Variants in NOX4 observed in about 807,000 individuals in gnomAD.
NOX4 encodes the protein kidney oxidase-1.
NOX4 carries 69 observed loss-of-function variants against 87.6 expected under a neutral mutation model. The ratio of observed to expected loss-of-function variants is 0.79; its 90% CI spans 0.65 to 0.96. The LOEUF is 0.96. NOX4 is among the 40% of genes least tolerant of loss of function. The pLI, the probability that NOX4 is intolerant of heterozygous loss-of-function variation, is 0.00. For synonymous variants in NOX4, 275 were observed against 238.2 expected (o/e 1.15, Z -1.42); for missense variants, 680 against 681.5 (o/e 1.00, Z 0.02).
intron 11 of NOX4, among the ~76,000 whole-genome samples, chr11:89,391,450 G>A (rs1056954980): frequency 6.6e-6 from 1 of 152,094 alleles, no homozygotes; most frequent in Non-Finnish European, 1.5e-5. Flanking sequence ...TTAACTAAAT[G>A]AGTGAACAAA....
chr11:89,557,951 T>G, the NOX4 span, among the ~76,000 whole-genome samples: 2 of 152,208 alleles, frequency 1.3e-5, no homozygotes, highest in African/African-American at 4.8e-5. Flanking sequence ...GAGAGATTTT[T>G]GGGAAGGAAA....
At chr11:89,396,712 G>C (rs1013069771) in intron 11 of NOX4, among the ~76,000 whole-genome samples, 15 of 152,046 alleles carry the variant, frequency 9.9e-5, no homozygotes, top group African/African-American at 2.4e-4. Context: ...AAGATCAAAA[G>C]AGACAAAGAA....
At chr11:89,520,977 TA>T in the NOX4 span, among the ~76,000 whole-genome samples, 3 of 152,078 alleles carry the variant, frequency 2.0e-5, no homozygotes, top group African/African-American at 7.2e-5. Context: ...GGAATACGTC[TA>T]AGTAAGGAAG....
At chr11:89,485,627 G>C (rs1210374076) in intron 2 of NOX4, among the ~76,000 whole-genome samples, 1 of 152,112 alleles carries the variant, frequency 6.6e-6, no homozygotes, top group Non-Finnish European at 1.5e-5. Flanking sequence ...ATTTCTGAGA[G>C]TTGAACACAA....
chr11:89,576,463 C>G, the NOX4 span, among the ~76,000 whole-genome samples: 1 of 152,022 alleles, frequency 6.6e-6, no homozygotes, highest in South Asian at 2.1e-4. Flanking sequence ...AAAAATCATA[C>G]GATAAAAAAG....
chr11:89,377,787 T>C (rs1939966533), intron 11 of NOX4, among the ~76,000 whole-genome samples: 1 of 152,178 alleles, frequency 6.6e-6, no homozygotes, highest in Admixed American at 6.5e-5. Flanking sequence ...GATCACATAA[T>C]ATGATGTTCT....
chr11:89,557,128 A>G, the NOX4 span: 15 of 152,330 alleles, frequency 9.8e-5, no homozygotes, highest in African/African-American at 3.4e-4. Context: ...TCTGACAGAT[A>G]TGGGAAAAAT....
At chr11:89,426,680 C>T (rs970664899) in intron 7 of NOX4, among the ~76,000 whole-genome samples, 106 of 152,154 alleles carry the variant, frequency 7.0e-4, no homozygotes, top group African/African-American at 2.1e-3. Flanking sequence ...TGGGGAGGGG[C>T]GCCCACCATT....
chr11:89,566,040 T>C, the NOX4 span, among the ~76,000 whole-genome samples: 1 of 133,314 alleles, frequency 7.5e-6, no homozygotes, highest in Non-Finnish European at 1.5e-5. Context: ...TAATTCTTTT[T>C]TTCTTTTTTT....
At chr11:89,395,946 C>T (rs1366038051) in intron 11 of NOX4, among the ~76,000 whole-genome samples, 1 of 152,114 alleles carries the variant, frequency 6.6e-6, no homozygotes, top group Non-Finnish European at 1.5e-5. Flanking sequence ...ATGAGGCCTC[C>T]AGCTTTGTTC....
At chr11:89,520,190 T>C in the NOX4 span, among the ~76,000 whole-genome samples, 2 of 152,042 alleles carry the variant, frequency 1.3e-5, no homozygotes, top group South Asian at 2.1e-4. Context: ...TGCGCTACAG[T>C]TATTGCCCTG....
At chr11:89,556,555 G>A in the NOX4 span, among the ~76,000 whole-genome samples, 2 of 151,484 alleles carry the variant, frequency 1.3e-5, no homozygotes, top group African/African-American at 4.9e-5. Flanking sequence ...GGAGGGGAGG[G>A]GGAAACCTAC....
At chr11:89,361,063 T>C (rs1028812761) in intron 12 of NOX4, among the ~76,000 whole-genome samples, 3 of 152,070 alleles carry the variant, frequency 2.0e-5, no homozygotes, top group African/African-American at 7.2e-5. Flanking sequence ...GAACTTAAAG[T>C]AAAACAACCA....
intron 14 of NOX4, among the ~76,000 whole-genome samples, chr11:89,341,124 CT>C (rs994563200): frequency 0.064 from 7,957 of 123,830 alleles, 239 homozygotes; most frequent in Admixed American, 0.12. Context: ...ACAATTTCAC[CT>C]TTTTTTTTTT....
At chr11:89,542,961 C>A in the NOX4 span, among the ~76,000 whole-genome samples, 6 of 152,188 alleles carry the variant, frequency 3.9e-5, no homozygotes, top group South Asian at 2.1e-4. Context: ...GAGGAGCAGA[C>A]CTTCACTGAA....
intron 2 of NOX4, among the ~76,000 whole-genome samples, chr11:89,473,177 C>G (rs1946016881): frequency 6.6e-6 from 1 of 152,124 alleles, no homozygotes; most frequent in Admixed American, 6.6e-5. Flanking sequence ...ATTTTCCTCC[C>G]TCTACAGAAA....
At chr11:89,432,083 C>T (rs748652252) in intron 7 of NOX4, among the ~76,000 whole-genome samples, 2 of 151,678 alleles carry the variant, frequency 1.3e-5, no homozygotes, top group African/African-American at 4.9e-5. Context: ...CCAACATTCT[C>T]AGCAAACTAT....
intron 2 of NOX4, among the ~76,000 whole-genome samples, chr11:89,461,230 G>C (rs1396638274): frequency 2.0e-5 from 3 of 151,672 alleles, no homozygotes; most frequent in African/African-American, 7.3e-5. Context: ...AATGGGTGCA[G>C]CACACCAACA....
At chr11:89,515,623 GA>G in the NOX4 span, among the ~76,000 whole-genome samples, 190 of 151,638 alleles carry the variant, frequency 1.3e-3, 4 homozygotes, top group East Asian at 0.028. Flanking sequence ...TTCTATTTAA[GA>G]AATATTTGCC....
Sources: allele counts gnomAD v4.1 joint callset (sites outside exome capture counted in the v4.1 genomes callset), GRCh38; gene constraint gnomAD v4.1.1; transcripts MANE v1.5; gene names NCBI Gene and HGNC (gene_info 2026-07-23, HGNC 2026-07-21).